MACROD2: variants seen among roughly 807,000 people sequenced by gnomAD.
MACROD2 encodes ADP-ribose glycohydrolase MACROD2.
A neutral mutation model predicts 70.4 loss-of-function variants in MACROD2; 36 were observed. The observed-to-expected ratio is 0.51, with a 90% confidence interval of 0.39 to 0.68. The LOEUF is 0.68. Ranked by LOEUF, MACROD2 falls within the 30% of genes least tolerant of loss-of-function variation. MACROD2 has a pLI of 0.00. For missense variants in MACROD2, 496 were observed against 538.4 expected (o/e 0.92, Z 0.78); for synonymous variants, 172 against 178.8 (o/e 0.96, Z 0.30).
intron 6 of MACROD2, among the ~76,000 whole-genome samples, chr20:15,280,375 A>G (rs535874692): frequency 6.6e-5 from 10 of 152,302 alleles, no homozygotes; most frequent in Admixed American, 2.0e-4. Flanking sequence ...CAGACTAAAT[A>G]TCTTATATTC....
intron 2 of MACROD2, chr20:14,053,400 A>G (rs899502473): frequency 6.6e-6 from 1 of 152,108 alleles, no homozygotes; most frequent in South Asian, 2.1e-4. Flanking sequence ...TAATGTGGAA[A>G]AACAGCTAGT....
intron 8 of MACROD2, among the ~76,000 whole-genome samples, chr20:15,609,228 G>A (rs568498034): frequency 6.6e-6 from 1 of 152,302 alleles, no homozygotes; most frequent in African/African-American, 2.4e-5. Flanking sequence ...ACAGAGGGAA[G>A]GAAAGAGAGA....
intron 8 of MACROD2, among the ~76,000 whole-genome samples, chr20:15,638,389 T>C (rs2049402734): frequency 6.6e-6 from 1 of 152,192 alleles, no homozygotes; most frequent in Non-Finnish European, 1.5e-5. Context: ...CCATACCAAA[T>C]ATAAGTGTGC....
At chr20:15,158,843 C>T (rs568545055) in intron 5 of MACROD2, among the ~76,000 whole-genome samples, 1 of 152,228 alleles carries the variant, frequency 6.6e-6, no homozygotes, top group South Asian at 2.1e-4. Context: ...AATTCAAGAG[C>T]TTTGACGTCT....
intron 6 of MACROD2, among the ~76,000 whole-genome samples, chr20:15,418,089 T>C (rs1431790201): frequency 6.6e-6 from 1 of 152,202 alleles, no homozygotes; most frequent in Non-Finnish European, 1.5e-5. Context: ...GAGCTTTTCT[T>C]CTTAACCACT....
At chr20:15,610,001 G>T (rs460131) in intron 8 of MACROD2, among the ~76,000 whole-genome samples, 7,053 of 152,198 alleles carry the variant, frequency 0.046, 323 homozygotes, top group African/African-American at 0.12. Context: ...TAATATTGCT[G>T]TGGGTAATAT....
chr20:15,899,316 A>G (rs1458272916), intron 10 of MACROD2, among the ~76,000 whole-genome samples: 1 of 152,140 alleles, frequency 6.6e-6, no homozygotes, highest in Non-Finnish European at 1.5e-5. Flanking sequence ...ACATATATAC[A>G]TATATACATA....
At chr20:15,738,987 C>G (rs2051065214) in intron 8 of MACROD2, among the ~76,000 whole-genome samples, 1 of 152,048 alleles carries the variant, frequency 6.6e-6, no homozygotes, top group South Asian at 2.1e-4. Flanking sequence ...AAATTTTAGG[C>G]AGAGACACTG....
intron 3 of MACROD2, among the ~76,000 whole-genome samples, chr20:14,271,433 C>T (rs2122354962): frequency 6.6e-6 from 1 of 152,324 alleles, no homozygotes; most frequent in South Asian, 2.1e-4. Context: ...AGCTGAGGGT[C>T]CTGTCTGTTA....
At chr20:15,422,331 G>A (rs62195515) in intron 6 of MACROD2, among the ~76,000 whole-genome samples, 29,504 of 152,088 alleles carry the variant, frequency 0.19, 3,145 homozygotes, top group African/African-American at 0.25. Context: ...GAGAGAAAGC[G>A]TGTGGCTGTA....
intron 3 of MACROD2, among the ~76,000 whole-genome samples, chr20:14,249,142 T>A (rs989992111): frequency 8.0e-5 from 12 of 149,966 alleles, no homozygotes; most frequent in African/African-American, 2.9e-4. Flanking sequence ...TTTTTTTTTT[T>A]TTTTTTTTGG....
chr20:14,038,779 T>C (rs1192972928), intron 2 of MACROD2, among the ~76,000 whole-genome samples: 1 of 152,220 alleles, frequency 6.6e-6, no homozygotes, highest in Non-Finnish European at 1.5e-5. Flanking sequence ...TCTCAGCAAG[T>C]ATATGTGTAA....
chr20:15,426,441 C>T (rs760524742), intron 6 of MACROD2, among the ~76,000 whole-genome samples: 1 of 151,958 alleles, frequency 6.6e-6, no homozygotes, highest in Non-Finnish European at 1.5e-5. Flanking sequence ...ACATCCTGGG[C>T]TCAGGTGATT....
intron 6 of MACROD2, among the ~76,000 whole-genome samples, chr20:15,259,743 A>G (rs899286917): frequency 1.3e-5 from 2 of 151,876 alleles, no homozygotes; most frequent in African/African-American, 4.8e-5. Context: ...CTCTTTCATC[A>G]CACCATAGGC....
At chr20:14,496,921 C>T in intron 4 of MACROD2, among the ~76,000 whole-genome samples, 1 of 151,310 alleles carries the variant, frequency 6.6e-6, no homozygotes, top group East Asian at 1.9e-4. Context: ...ATTATTTTAC[C>T]TGTTGTTATT....
At chr20:15,742,180 A>G (rs921055188) in intron 8 of MACROD2, among the ~76,000 whole-genome samples, 8 of 152,190 alleles carry the variant, frequency 5.3e-5, no homozygotes, top group Non-Finnish European at 1.2e-4. Flanking sequence ...CTTACAGGCC[A>G]GCAAATGGTT....
intron 3 of MACROD2, among the ~76,000 whole-genome samples, chr20:14,151,448 A>C (rs535287253): frequency 6.6e-6 from 1 of 152,308 alleles, no homozygotes; most frequent in African/African-American, 2.4e-5. Context: ...CTGTGCTATG[A>C]GACCCAGGTA....
rs1327707735 is a variant in MACROD2 at position 14,275,543 on chromosome 20, G to A, written c.271+189815G>A. Among the ~76,000 whole-genome samples, 9 of 151,576 alleles carry A rather than the reference G, an allele frequency of 5.9e-5. No individual in the cohort carries two copies. The East Asian group carries it at 1.4e-3, about 23-fold the overall frequency. On this transcript the variant is annotated intron_variant, in intron 3 of 17. Transcript: ENST00000684519. ...CATAAAAACCCTAGAAGAAAACCTA[G>A]GCATTACCATTCAGGACATAGGCAT...
intron 3 of MACROD2, among the ~76,000 whole-genome samples, chr20:14,314,345 T>C (rs2082594463): frequency 6.6e-6 from 1 of 152,290 alleles, no homozygotes; most frequent in Non-Finnish European, 1.5e-5. Flanking sequence ...AGTGGGACAA[T>C]AGAAATGCAA....
Sources: allele counts gnomAD v4.1 joint callset (sites outside exome capture counted in the v4.1 genomes callset), GRCh38; gene constraint gnomAD v4.1.1; transcripts MANE v1.5; gene names NCBI Gene and HGNC (gene_info 2026-07-23, HGNC 2026-07-21).